ARL15: variants seen among roughly 807,000 people sequenced by gnomAD.
ARL15 encodes the protein ARF like GTPase 15.
Under a neutral mutation model 25.2 loss-of-function variants are expected in ARL15, and 19 were observed. The ratio of observed to expected loss-of-function variants is 0.75; its 90% CI spans 0.53 to 1.10. The LOEUF (loss-of-function observed/expected upper bound fraction) is 1.10, where lower values mean the gene tolerates loss of function less well. ARL15 is among the 50% of genes least tolerant of loss of function. ARL15 has a pLI of 0.00. For missense variants in ARL15, 220 were observed against 246.0 expected (o/e 0.89, Z 0.71); for synonymous variants, 94 against 86.8 (o/e 1.08, Z -0.46).
chr5:54,116,196 A>G (rs1752893335), intron 3 of ARL15, among the ~76,000 whole-genome samples: 1 of 152,132 alleles, frequency 6.6e-6, no homozygotes, highest in African/African-American at 2.4e-5. Context: ...TAATCTCCCA[A>G]ACATATTTGG....
chr5:53,906,463 T>A (rs1000309814), intron 4 of ARL15, among the ~76,000 whole-genome samples: 52 of 151,990 alleles, frequency 3.4e-4, no homozygotes, highest in African/African-American at 1.2e-3. Flanking sequence ...ATGGAAGCAA[T>A]TAAGAGGTAC....
chr5:53,894,810 C>T (rs1213631063), intron 4 of ARL15, among the ~76,000 whole-genome samples: 1 of 152,132 alleles, frequency 6.6e-6, no homozygotes, highest in Non-Finnish European at 1.5e-5. Flanking sequence ...TCTTTTAAGA[C>T]CAAGCTGATG....
At chr5:53,917,047 CT>C (rs1745675144) in intron 4 of ARL15, among the ~76,000 whole-genome samples, 3 of 152,126 alleles carry the variant, frequency 2.0e-5, no homozygotes, top group African/African-American at 7.2e-5. Context: ...TCTTTTCTTG[CT>C]GGAGAACAAA....
At chr5:53,999,681 G>A (rs1286293654) in intron 4 of ARL15, among the ~76,000 whole-genome samples, 2 of 152,186 alleles carry the variant, frequency 1.3e-5, no homozygotes, top group African/African-American at 4.8e-5. Flanking sequence ...GGGAGGCCAA[G>A]GTGGGCGGAT....
chr5:54,305,091 C>T (rs1034868916), intron 1 of ARL15, among the ~76,000 whole-genome samples: 10 of 152,182 alleles, frequency 6.6e-5, no homozygotes, highest in Non-Finnish European at 1.5e-4. Flanking sequence ...CCCACTGAGA[C>T]ATACATTTTT....
At chr5:54,032,007 A>G (rs1424311243) in intron 4 of ARL15, among the ~76,000 whole-genome samples, 1 of 152,198 alleles carries the variant, frequency 6.6e-6, no homozygotes, top group Non-Finnish European at 1.5e-5. Context: ...TGGCATGATT[A>G]AGGTAGAGCA....
At chr5:54,257,329 G>T (rs1354219845) in intron 1 of ARL15, among the ~76,000 whole-genome samples, 1 of 152,150 alleles carries the variant, frequency 6.6e-6, no homozygotes, top group African/African-American at 2.4e-5. Flanking sequence ...CCAAAGAGAT[G>T]AAAGATCTCT....
intron 1 of ARL15, among the ~76,000 whole-genome samples, chr5:54,215,715 A>G (rs766814397): frequency 1.4e-5 from 2 of 144,728 alleles, no homozygotes; most frequent in Non-Finnish European, 3.0e-5. Flanking sequence ...CTCATGTCAC[A>G]CTTCAGTCAT....
At chr5:53,948,941 A>G (rs2112109524) in intron 4 of ARL15, among the ~76,000 whole-genome samples, 1 of 152,326 alleles carries the variant, frequency 6.6e-6, no homozygotes, top group Admixed American at 6.5e-5. Flanking sequence ...ACAGAACCGC[A>G]AATCATTACC....
In ARL15 at chr5:54,265,845, T is replaced by C. The variant is rs373180666; in HGVS notation, c.48+44587A>G. ...ACTTTGTGTATGAGTTTTAGAATGATGGCTGACACTTACGAAGCAGTTACT... is the reference window on the plus strand; with the variant it reads ...ACTTTGTGTATGAGTTTTAGAATGACGGCTGACACTTACGAAGCAGTTACT... On this transcript the variant is annotated intron_variant, in intron 1 of 4. Transcript: ENST00000504924. Among the ~76,000 whole-genome samples the C allele has an allele frequency of 9.2e-5, 14 of 152,350 alleles. No homozygotes were observed. In the East Asian group the frequency reaches 2.3e-3, roughly 25 times the overall value.
At chr5:53,930,143 T>A (rs934597546) in intron 4 of ARL15, among the ~76,000 whole-genome samples, 5 of 152,198 alleles carry the variant, frequency 3.3e-5, no homozygotes, top group Non-Finnish European at 1.5e-5. Context: ...AATATTTTCA[T>A]AATAAATCTA....
At chr5:54,155,093 C>T (rs1477010683) in intron 2 of ARL15, among the ~76,000 whole-genome samples, 1 of 152,146 alleles carries the variant, frequency 6.6e-6, no homozygotes, top group Non-Finnish European at 1.5e-5. Flanking sequence ...TGCACTCCAG[C>T]CTGGTGACAC....
At chr5:53,992,617 T>C (rs187741650) in intron 4 of ARL15, among the ~76,000 whole-genome samples, 35 of 152,344 alleles carry the variant, frequency 2.3e-4, no homozygotes, top group South Asian at 1.0e-3. Flanking sequence ...TTTTATTTTC[T>C]CAAATAACTA....
rs1312826505 is a variant in ARL15 at position 53,984,075 on chromosome 5, G to A, written c.463-97362C>T. Among the ~76,000 whole-genome samples, 4 of 152,136 alleles carry A rather than the reference G, an allele frequency of 2.6e-5. No homozygotes were observed. The South Asian group carries it at 6.2e-4, about 24-fold the overall frequency. ...GCACTCACATACTTAGAGAGTGACC[G>A]CCCTGGATATTAAGGGAAAATTGAA... is the stretch of plus-strand genomic sequence containing the variant. On this transcript the variant is annotated intron_variant, in intron 4 of 4. Coordinates refer to ENST00000504924, the MANE Select transcript of ARL15 (RefSeq NM_019087.3).
intron 2 of ARL15, among the ~76,000 whole-genome samples, chr5:54,163,138 T>G (rs1754457450): frequency 6.6e-6 from 1 of 152,108 alleles, no homozygotes; most frequent in Non-Finnish European, 1.5e-5. Context: ...GTTTTTGTTT[T>G]TTGCATATCT....
At chr5:53,985,122 T>G (rs1201037965) in intron 4 of ARL15, among the ~76,000 whole-genome samples, 1 of 152,108 alleles carries the variant, frequency 6.6e-6, no homozygotes, top group Non-Finnish European at 1.5e-5. Flanking sequence ...TACATGCAAA[T>G]GTTGTACTCA....
intron 1 of ARL15, among the ~76,000 whole-genome samples, chr5:54,267,694 C>T (rs369154119): frequency 6.6e-6 from 1 of 152,010 alleles, no homozygotes; most frequent in East Asian, 1.9e-4. Flanking sequence ...ATTAGCTTGT[C>T]TGTAAAGAAT....
intron 2 of ARL15, among the ~76,000 whole-genome samples, chr5:54,157,706 C>A (rs1354860992): frequency 6.6e-6 from 1 of 152,078 alleles, no homozygotes; most frequent in Non-Finnish European, 1.5e-5. Flanking sequence ...CCTCCGCACC[C>A]AGCCCCCTAA....
intron 1 of ARL15, among the ~76,000 whole-genome samples, chr5:54,186,261 G>C (rs575375721): frequency 6.6e-6 from 1 of 152,138 alleles, no homozygotes; most frequent in East Asian, 1.9e-4. Flanking sequence ...AAGCCAATAC[G>C]GTGAGCAAAA....
Sources: allele counts gnomAD v4.1 joint callset (sites outside exome capture counted in the v4.1 genomes callset), GRCh38; gene constraint gnomAD v4.1.1; transcripts MANE v1.5; gene names NCBI Gene and HGNC (gene_info 2026-07-23, HGNC 2026-07-21).